The following LARGE1 variants were observed in gnomAD, a reference collection of about 807,000 sequenced individuals.
LARGE1 encodes the protein xylosyl- and glucuronyltransferase LARGE1.
LARGE1 carries 43 observed loss-of-function variants against 87.6 expected under a neutral mutation model. The ratio of observed to expected loss-of-function variants is 0.49; its 90% confidence interval spans 0.38 to 0.63. The LOEUF (loss-of-function observed/expected upper bound fraction) is 0.63, where lower values mean the gene tolerates loss of function less well. LARGE1 is among the 30% of genes least tolerant of loss of function. LARGE1 has a pLI of 0.00. For missense variants in LARGE1, 802 were observed against 1,000.2 expected (o/e 0.80, Z 2.67); for synonymous variants, 434 against 394.6 (o/e 1.10, Z -1.18).
intron 11 of LARGE1, among the ~76,000 whole-genome samples, chr22:33,192,325 A>T (rs16985344): frequency 0.2 from 31,073 of 152,146 alleles, 3,246 homozygotes; most frequent in Middle Eastern, 0.34. Context: ...CTTTATTGGA[A>T]CCACTGCCTA....
chr22:33,798,148 G>A (rs982189076), intron 1 of LARGE1, among the ~76,000 whole-genome samples: 5 of 152,046 alleles, frequency 3.3e-5, no homozygotes, highest in East Asian at 1.9e-4. Flanking sequence ...AAATTTAGCC[G>A]GGCGTGATGG....
At chr22:33,557,020 C>G (rs1020056802) in intron 6 of LARGE1, among the ~76,000 whole-genome samples, 1 of 151,972 alleles carries the variant, frequency 6.6e-6, no homozygotes, top group Non-Finnish European at 1.5e-5. Context: ...AACAAACAAC[C>G]CTGAGACATA....
At chr22:33,523,958 T>C (rs868107066) in intron 6 of LARGE1, among the ~76,000 whole-genome samples, 14 of 152,088 alleles carry the variant, frequency 9.2e-5, no homozygotes, top group African/African-American at 3.4e-4. Context: ...CAGAGAACTG[T>C]GCCATCATCA....
At chr22:33,872,070 C>T (rs1448643236) in intron 1 of LARGE1, among the ~76,000 whole-genome samples, 2 of 151,096 alleles carry the variant, frequency 1.3e-5, no homozygotes, top group Admixed American at 6.6e-5. Flanking sequence ...GGAGGGGGTT[C>T]CTTCGAGTTG....
Position 33,629,965 on chromosome 22 carries a change from G to A in LARGE1, c.409-3639C>T, listed in dbSNP as rs190833478. On this transcript the variant is annotated intron_variant, in intron 3 of 14. Transcript: ENST00000397394. ...TGCAATCCCAGCCCTTTGGGAGGCCGAGGCGGCGGATCACCTGAGGTCAAG... is the reference window on the plus strand; with the variant it reads ...TGCAATCCCAGCCCTTTGGGAGGCCAAGGCGGCGGATCACCTGAGGTCAAG... Among the ~76,000 whole-genome samples the A allele has an allele frequency of 2.9e-3, 440 of 152,242 alleles. 2 individuals carry two copies. Among genetic ancestry groups the A allele is most frequent in the African/African-American group, 0.01 (420 of 41,544 alleles).
chr22:33,102,440 G>A, the LARGE1 span, among the ~76,000 whole-genome samples: 1 of 151,918 alleles, frequency 6.6e-6, no homozygotes, highest in Non-Finnish European at 1.5e-5. Flanking sequence ...TAAAGTGCTG[G>A]GATTACAGGT....
the LARGE1 span, among the ~76,000 whole-genome samples, chr22:33,127,907 G>C: frequency 1.3e-5 from 2 of 152,190 alleles, no homozygotes; most frequent in African/African-American, 2.4e-5. Context: ...TCTTGGCACT[G>C]TAAGTTAATG....
At chr22:33,398,419 C>T (rs898278580) in intron 7 of LARGE1, among the ~76,000 whole-genome samples, 1 of 152,200 alleles carries the variant, frequency 6.6e-6, no homozygotes, top group Non-Finnish European at 1.5e-5. Flanking sequence ...TCCTCCAACT[C>T]TCTGCTTCTC....
At chr22:33,622,170 TATAATCCCC>T (rs1381509727) in intron 4 of LARGE1, among the ~76,000 whole-genome samples, 1 of 152,298 alleles carries the variant, frequency 6.6e-6, no homozygotes, top group East Asian at 1.9e-4. Flanking sequence ...TTGTAATTCC[TATAATCCCC>T]ATAATCCCCA....
chr22:33,500,931 G>A (rs1196255308), intron 6 of LARGE1, among the ~76,000 whole-genome samples: 1 of 152,166 alleles, frequency 6.6e-6, no homozygotes, highest in African/African-American at 2.4e-5. Flanking sequence ...CCCAGCATAG[G>A]TGCTAGCTCA....
intron 3 of LARGE1, among the ~76,000 whole-genome samples, chr22:33,649,746 T>C (rs2080734039): frequency 6.6e-6 from 1 of 152,220 alleles, no homozygotes; most frequent in Admixed American, 6.5e-5. Flanking sequence ...AATGAGTGTA[T>C]GTGTGTTCAC....
At chr22:33,571,197 A>G (rs2078191894) in intron 5 of LARGE1, among the ~76,000 whole-genome samples, 1 of 152,234 alleles carries the variant, frequency 6.6e-6, no homozygotes, top group South Asian at 2.1e-4. Context: ...ACTTATGTAA[A>G]GGGAGCACAG....
the LARGE1 span, among the ~76,000 whole-genome samples, chr22:33,094,394 G>A: frequency 6.6e-6 from 1 of 151,970 alleles, no homozygotes; most frequent in African/African-American, 2.4e-5. Context: ...CCTCTCAACA[G>A]CTCCCCTGGC....
chr22:33,154,191 C>A, the LARGE1 span, among the ~76,000 whole-genome samples: 1 of 151,108 alleles, frequency 6.6e-6, no homozygotes, highest in African/African-American at 2.4e-5. Flanking sequence ...AAAGTAAACT[C>A]CTCTTTTATT....
At chr22:33,576,168 G>A (rs1412206535) in intron 5 of LARGE1, among the ~76,000 whole-genome samples, 1 of 152,138 alleles carries the variant, frequency 6.6e-6, no homozygotes, top group African/African-American at 2.4e-5. Context: ...TATGTATGTA[G>A]ACTTAGCACA....
intron 6 of LARGE1, among the ~76,000 whole-genome samples, chr22:33,478,311 A>G (rs1179920041): frequency 6.6e-6 from 1 of 152,234 alleles, no homozygotes; most frequent in Non-Finnish European, 1.5e-5. Flanking sequence ...ATGGAAGTAC[A>G]CTGAAGGCTA....
chr22:33,173,607 A>C (rs1486198824), intron 11 of LARGE1, among the ~76,000 whole-genome samples: 1 of 152,120 alleles, frequency 6.6e-6, no homozygotes, highest in Non-Finnish European at 1.5e-5. Context: ...TCACATGCAA[A>C]GACACATATA....
the LARGE1 span, among the ~76,000 whole-genome samples, chr22:33,104,917 T>TTCTCTTTCTC: frequency 2.6e-5 from 2 of 77,300 alleles, no homozygotes; most frequent in Admixed American, 2.8e-4. Flanking sequence ...CTTTCTTTCT[T>TTCTCTTTCTC]TCTTTCTTTC....
In LARGE1 at chr22:33,468,472, A is replaced by G. The variant is rs561412294; in HGVS notation, c.788-36207T>C. On this transcript the variant is annotated intron_variant, in intron 6 of 14. Transcript: ENST00000397394. ...ACAAATAAACAAACCCCAACATCTA[A>G]TTTTTCTATTATAGTCACCATCTTT... 3.9e-5 allele frequency among the ~76,000 whole-genome samples: 6 copies of G among 152,104 alleles called. No individual in the cohort carries two copies. In the East Asian group the frequency reaches 1.2e-3, roughly 29 times the overall value.
Sources: allele counts gnomAD v4.1 joint callset (sites outside exome capture counted in the v4.1 genomes callset), GRCh38; gene constraint gnomAD v4.1.1; transcripts MANE v1.5; gene names NCBI Gene and HGNC (gene_info 2026-07-23, HGNC 2026-07-21).